The following LMBRD1 variants were observed in gnomAD, a reference collection of about 807,000 sequenced individuals.
LMBRD1 encodes lysosomal cobalamin transport escort protein LMBD1.
LMBRD1 carries 64 observed loss-of-function variants against 74.8 expected under a neutral mutation model. The observed-to-expected ratio is 0.86, with a 90% CI of 0.70 to 1.05. The LOEUF is 1.05. Among genes scored for constraint, LMBRD1 ranks in the 50% least tolerant of loss-of-function variants. LMBRD1 has a pLI of 0.00. For missense variants in LMBRD1, 652 were observed against 645.9 expected, an observed-to-expected ratio of 1.01 and a Z score of -0.10; for synonymous variants, 204 against 216.3, an observed-to-expected ratio of 0.94 and a Z score of 0.50.
rs148370100 is a variant in LMBRD1, at chr6:69,736,196, C to A, written c.636+1746G>T. Among the ~76,000 whole-genome samples the A allele has an allele frequency of 3.9e-3, 590 of 152,286 alleles. 2 individuals are homozygous for A. Among genetic ancestry groups the A allele is most frequent in the Admixed American group, 6.7e-3 (103 of 15,294 alleles). Reference sequence around the variant, plus strand: ...TGCAAGCCAGGAGCTAATTGACCCCCCCTCCGCCGACCCACCACTTTTTTT... The same window carrying A: ...TGCAAGCCAGGAGCTAATTGACCCCACCTCCGCCGACCCACCACTTTTTTT... On this transcript the variant is annotated intron_variant, in intron 7 of 15. Coordinates refer to ENST00000649934, the MANE Select transcript of LMBRD1 (RefSeq NM_018368.4).
intron 7 of LMBRD1, among the ~76,000 whole-genome samples, chr6:69,728,097 C>G (rs1296652252): frequency 6.6e-6 from 1 of 152,142 alleles, no homozygotes; most frequent in Non-Finnish European, 1.5e-5. Flanking sequence ...TGGTTAGGGA[C>G]ACCTCAGGAA....
Position 69,675,138 on chromosome 6 carries a change from G to C in LMBRD1, c.*1020C>G, listed in dbSNP as rs576377454. On this transcript the variant is annotated 3_prime_UTR_variant, in exon 16 of 16. Transcript: ENST00000649934. The stretch of plus-strand genomic sequence containing the variant: ...CAGAGAAAAATGGCACAAAAATTAA[G>C]GGAGAGAATAATTAACTTAGATATA... Among the ~76,000 whole-genome samples, 1 of 152,204 alleles carries C rather than the reference G, an allele frequency of 6.6e-6. No homozygotes were observed. The highest frequency in any genetic ancestry group is 2.1e-4 in the South Asian group (1 of 4,818).
At chr6:69,778,424 C>G (rs2149891960) in intron 3 of LMBRD1, among the ~76,000 whole-genome samples, 1 of 152,308 alleles carries the variant, frequency 6.6e-6, no homozygotes, top group East Asian at 1.9e-4. Flanking sequence ...GGGCTTAATT[C>G]TCTCCATGGA....
At chr6:69,787,035 A>T (rs1765966097) in intron 2 of LMBRD1, among the ~76,000 whole-genome samples, 2 of 152,204 alleles carry the variant, frequency 1.3e-5, no homozygotes, top group African/African-American at 4.8e-5. Context: ...AACAATGTCA[A>T]CTTGTACATT....
chr6:69,736,056 T>A (rs895028124), intron 7 of LMBRD1, among the ~76,000 whole-genome samples: 1 of 152,180 alleles, frequency 6.6e-6, no homozygotes, highest in Non-Finnish European at 1.5e-5. Flanking sequence ...ATCTTTACAG[T>A]AGTCTCAGCC....
At chr6:69,774,387 T>C (rs1377371360) in intron 3 of LMBRD1, among the ~76,000 whole-genome samples, 1 of 152,210 alleles carries the variant, frequency 6.6e-6, no homozygotes, top group Non-Finnish European at 1.5e-5. Context: ...AACAGGCTAA[T>C]AACATGAGGA....
At chr6:69,722,734 G>A (rs1766643407) in intron 7 of LMBRD1, among the ~76,000 whole-genome samples, 1 of 151,984 alleles carries the variant, frequency 6.6e-6, no homozygotes, top group Non-Finnish European at 1.5e-5. Context: ...CATACCACCA[G>A]ACAAAATCAC....
At position 69,701,902 on chromosome 6, in the gene LMBRD1, G is replaced by A. The variant is rs1766140217; in HGVS notation, c.967C>T (p.Leu323Phe). The A allele has an allele frequency of 6.3e-7, 1 of 1,596,880 alleles. No homozygotes were observed. The highest frequency in any genetic ancestry group is 1.3e-5 in the African/African-American group (1 of 74,378). ...TACTGTACTTACTTTGACAAGAAGAGAGAAATTACAAACAGCAATGCAACT... is the reference window on the plus strand; with the variant it reads ...TACTGTACTTACTTTGACAAGAAGAAAGAAATTACAAACAGCAATGCAACT... The part of the protein sequence containing the change: ...ILVALLFVIS[L>F]FLSNLDKALH... Residue 323 changes from leucine to phenylalanine, a missense_variant, in exon 10 of 16, where the codon CTC (leucine) becomes TTC (phenylalanine). By Grantham distance (22) the Leu-to-Phe change is conservative. Transcript: ENST00000649934.
At chr6:69,710,856 G>A (rs1026285594) in intron 9 of LMBRD1, among the ~76,000 whole-genome samples, 2 of 152,146 alleles carry the variant, frequency 1.3e-5, no homozygotes, top group African/African-American at 4.8e-5. Flanking sequence ...TCTTATTGCT[G>A]TGGGAATGCA....
chr6:69,793,066 T>G (rs1455953888), intron 1 of LMBRD1, among the ~76,000 whole-genome samples: 1 of 152,228 alleles, frequency 6.6e-6, no homozygotes, highest in Non-Finnish European at 1.5e-5. Context: ...AAGGATTAAA[T>G]GAGATATAAA....
intron 2 of LMBRD1, among the ~76,000 whole-genome samples, chr6:69,784,299 A>G (rs917199427): frequency 1.3e-5 from 2 of 152,252 alleles, no homozygotes; most frequent in African/African-American, 4.8e-5. Flanking sequence ...TATGAATTCC[A>G]CAGAACAAGA....
Position 69,701,999 on chromosome 6 carries a change from T to C in LMBRD1, c.916-46A>G, listed in dbSNP as rs749368119. 9 of 1,169,396 alleles carry C rather than the reference T, an allele frequency of 7.7e-6. No individual in the cohort carries two copies. The South Asian group carries it at 8.7e-5, about 11-fold the overall frequency. The allele number at this position is 1,169,396 out of a possible 1,614,324, so 72.4% of individuals were successfully genotyped here. On this transcript the variant is annotated intron_variant, in intron 9 of 15. Coordinates refer to ENST00000649934, the MANE Select transcript of LMBRD1 (RefSeq NM_018368.4). ...ATTAAAATATAGTTCTAAAAGTTGA[T>C]ATTAAAAGCACAAAATCATTATATT...
intron 7 of LMBRD1, among the ~76,000 whole-genome samples, chr6:69,729,935 G>T (rs1562102153): frequency 7.2e-6 from 1 of 139,176 alleles, no homozygotes. Flanking sequence ...ACAATCTTTT[G>T]AACTTCACGA....
intron 9 of LMBRD1, among the ~76,000 whole-genome samples, chr6:69,711,577 T>G (rs1582075510): frequency 6.6e-6 from 1 of 152,156 alleles, no homozygotes; most frequent in Admixed American, 6.5e-5. Flanking sequence ...ATACTTTCAG[T>G]GCTATGAAGA....
At chr6:69,680,728 T>C (rs967096167) in intron 14 of LMBRD1, among the ~76,000 whole-genome samples, 2 of 152,268 alleles carry the variant, frequency 1.3e-5, no homozygotes, top group African/African-American at 4.8e-5. Flanking sequence ...TGCATCTTTA[T>C]ACATATATAT....
intron 4 of LMBRD1, among the ~76,000 whole-genome samples, chr6:69,752,029 T>TA (rs1349678916): frequency 6.6e-6 from 1 of 152,224 alleles, no homozygotes; most frequent in East Asian, 1.9e-4. Context: ...AGAAACTTAA[T>TA]ATTTCATTAA....
rs564628445 is a variant in LMBRD1, at chr6:69,784,524, A to G, written c.247-3970T>C. ...TGGACAGAGTCAGTATACTACAGGA[A>G]TCTAGGAGGTAAGAGGTCAAGGACG... On this transcript the variant is annotated intron_variant, in intron 2 of 15. Coordinates refer to ENST00000649934, the MANE Select transcript of LMBRD1 (RefSeq NM_018368.4). 3.9e-5 allele frequency among the ~76,000 whole-genome samples: 6 copies of G among 152,318 alleles called. No individual in the cohort carries two copies. In the South Asian group the frequency reaches 1.2e-3, roughly 32 times the overall value.
intron 3 of LMBRD1, among the ~76,000 whole-genome samples, chr6:69,772,135 C>T (rs750829695): frequency 1.1e-4 from 17 of 152,044 alleles, no homozygotes; most frequent in East Asian, 1.9e-4. Context: ...AGTTCTGTAA[C>T]GGTTGGACAT....
intron 2 of LMBRD1, among the ~76,000 whole-genome samples, chr6:69,783,660 C>T (rs985632885): frequency 1.3e-5 from 2 of 152,152 alleles, no homozygotes; most frequent in African/African-American, 4.8e-5. Flanking sequence ...GCCACCATAC[C>T]TGGACTAAAA....
Sources: allele counts gnomAD v4.1 joint callset (sites outside exome capture counted in the v4.1 genomes callset), GRCh38; gene constraint gnomAD v4.1.1; transcripts MANE v1.5; gene names NCBI Gene and HGNC (gene_info 2026-07-23, HGNC 2026-07-21).